C2CD3: variants seen among roughly 807,000 people sequenced by gnomAD.
C2CD3 encodes C2 domain-containing protein 3.
Under a neutral mutation model 234.0 loss-of-function variants are expected in C2CD3, and 148 were observed. That is an observed-to-expected ratio of 0.63 (90% CI 0.55 to 0.72). The LOEUF (loss-of-function observed/expected upper bound fraction) is 0.72. Among genes scored for constraint, C2CD3 ranks in the 30% least tolerant of loss-of-function variants. C2CD3 has a pLI of 0.00. For missense variants in C2CD3, 2,577 were observed against 2,811.5 expected (o/e 0.92, Z 1.89); for synonymous variants, 1,000 against 1,035.4 (o/e 0.97, Z 0.66).
chr11:74,111,143 A>C (rs1005219039), intron 11 of C2CD3, among the ~76,000 whole-genome samples: 1 of 152,188 alleles, frequency 6.6e-6, no homozygotes, highest in Non-Finnish European at 1.5e-5. Flanking sequence ...GATCTCATAG[A>C]AGCTACTTAA....
At chr11:74,154,676 T>C (rs189111608) in intron 3 of C2CD3, among the ~76,000 whole-genome samples, 4 of 152,334 alleles carry the variant, frequency 2.6e-5, no homozygotes, top group African/African-American at 7.2e-5. Context: ...TCAACTCTGC[T>C]GTTTGGCATA....
intron 7 of C2CD3, chr11:74,129,865 G>C (rs1039916575): frequency 1.4e-5 from 1 of 69,430 alleles, no homozygotes; most frequent in African/African-American, 1.4e-4. Flanking sequence ...TCGCGGTTAG[G>C]AGCTGCAGAC....
At chr11:74,030,883 CTAAT>C (rs1952498062) in intron 31 of C2CD3, among the ~76,000 whole-genome samples, 1 of 152,228 alleles carries the variant, frequency 6.6e-6, no homozygotes, top group Non-Finnish European at 1.5e-5. Context: ...ACAGAAACCT[CTAAT>C]TACACTTTCT....
chr11:74,031,284 A>C (rs986593394), intron 31 of C2CD3, among the ~76,000 whole-genome samples: 2 of 152,222 alleles, frequency 1.3e-5, no homozygotes, highest in African/African-American at 4.8e-5. Flanking sequence ...ATAGAGTCCA[A>C]GTACCTCAGC....
rs1463901956 is a variant in C2CD3 at position 74,167,640 on chromosome 11, C to T, written c.325+704G>A. Among the ~76,000 whole-genome samples the T allele has an allele frequency of 7.9e-5, 12 of 152,230 alleles. No homozygotes were observed. The East Asian group carries it at 1.9e-3, about 24-fold the overall frequency. On this transcript the variant is annotated intron_variant, in intron 2 of 32. Transcript: ENST00000334126. Reference sequence around the variant, plus strand: ...CCCAACCATGTTTACATGATAAATGCTCGAATTTTATTGACTTGAACTGAA... The same window carrying T: ...CCCAACCATGTTTACATGATAAATGTTCGAATTTTATTGACTTGAACTGAA...
At chr11:74,072,425 G>A (rs1447973783) in intron 24 of C2CD3, among the ~76,000 whole-genome samples, 4 of 152,170 alleles carry the variant, frequency 2.6e-5, no homozygotes, top group Admixed American at 2.6e-4. Flanking sequence ...CAGTTTGAGA[G>A]ACACCAAAAC....
intron 23 of C2CD3, among the ~76,000 whole-genome samples, chr11:74,077,176 A>G (rs186505680): frequency 2.2e-4 from 34 of 152,208 alleles, no homozygotes; most frequent in Admixed American, 8.5e-4. Flanking sequence ...TGGTCCCCTC[A>G]GTAGGTATGC....
Position 74,028,175 on chromosome 11 carries a change from C to T in C2CD3, c.6921+112G>A, listed in dbSNP as rs1051948266. 10 of 743,820 alleles carry T rather than the reference C, an allele frequency of 1.3e-5. No homozygotes were observed. The Admixed American group carries it at 2.6e-4, about 20-fold the overall frequency. The allele number at this position is 743,820 out of a possible 1,614,324, so 46.1% of individuals were successfully genotyped here. On this transcript the variant is annotated intron_variant, in intron 32 of 32. Transcript: ENST00000334126. ...CTCAGTACAAACTTGAGGAGTGACC[C>T]CTGCTGCAGCCTTTCCAGGAAGATG...
chr11:74,097,164 AT>A (rs1302207573), intron 16 of C2CD3, among the ~76,000 whole-genome samples: 3 of 150,318 alleles, frequency 2.0e-5, no homozygotes, highest in Admixed American at 6.6e-5. Flanking sequence ...AAAAAAAAAA[AT>A]CTAACAAATA....
Position 74,113,875 on chromosome 11 carries a change from T to TA in C2CD3, c.1747dup (p.Tyr583LeufsTer20). ...TTCCGAAAAGCCCACAGGAAAGTGA[T>TA]ATTCTACAAAGAAAGTGCTAAAAAG... is the stretch of plus-strand genomic sequence containing the variant. On this transcript the variant is annotated frameshift_variant, in exon 11 of 33. Coordinates refer to ENST00000334126, the MANE Select transcript of C2CD3 (RefSeq NM_001286577.2). LOFTEE classifies it high-confidence loss of function. 1.3e-6 allele frequency: 2 copies of TA among 1,588,862 alleles called. No individual in the cohort carries two copies. The highest frequency in any genetic ancestry group is 1.7e-6 in the Non-Finnish European group (2 of 1,171,316).
At chr11:74,071,848 G>A (rs1316560706) in intron 24 of C2CD3, among the ~76,000 whole-genome samples, 1 of 152,074 alleles carries the variant, frequency 6.6e-6, no homozygotes, top group African/African-American at 2.4e-5. Context: ...AGCAGATGAT[G>A]CTCAATAAAT....
At chr11:74,118,408 C>T (rs554830202) in intron 8 of C2CD3, 26 bp from the exon 9 acceptor site, 7 of 1,593,004 alleles carry the variant, frequency 4.4e-6, no homozygotes, top group Middle Eastern at 1.7e-4. Flanking sequence ...AACAGAGACA[C>T]TAAATGACTG....
intron 30 of C2CD3, chr11:74,036,380 T>C: frequency 4.4e-6 from 2 of 454,252 alleles, no homozygotes; most frequent in South Asian, 1.6e-5. Flanking sequence ...GAATAGTGCC[T>C]GGCACAGATG....
At chr11:74,133,826 A>G (rs550522689) in intron 5 of C2CD3, among the ~76,000 whole-genome samples, 2 of 152,318 alleles carry the variant, frequency 1.3e-5, no homozygotes, top group East Asian at 3.9e-4. Flanking sequence ...GGGGGTTGTT[A>G]TATCCATATA....
At chr11:74,032,671 A>G (rs757531382) in intron 31 of C2CD3, among the ~76,000 whole-genome samples, 6 of 152,082 alleles carry the variant, frequency 3.9e-5, no homozygotes, top group Non-Finnish European at 8.8e-5. Flanking sequence ...CAGGAGTTTG[A>G]GACCAGCCTG....
At chr11:74,073,008 G>T (rs1565256462) in intron 24 of C2CD3, among the ~76,000 whole-genome samples, 1 of 152,116 alleles carries the variant, frequency 6.6e-6, no homozygotes, top group Non-Finnish European at 1.5e-5. Flanking sequence ...CTGAAGAGAG[G>T]AGCTGGAAGT....
intron 3 of C2CD3, among the ~76,000 whole-genome samples, chr11:74,151,434 C>A (rs911623051): frequency 6.6e-6 from 1 of 152,128 alleles, no homozygotes; most frequent in Non-Finnish European, 1.5e-5. Context: ...TCTCCTGTCT[C>A]AGCCTTCTCA....
intron 17 of C2CD3, 95 bp downstream of exon 17, chr11:74,095,133 C>A: frequency 1.2e-6 from 1 of 810,660 alleles, no homozygotes. Context: ...TAGAAATATT[C>A]AACAACACAA....
At chr11:74,065,678 G>A (rs1290030786) in intron 24 of C2CD3, among the ~76,000 whole-genome samples, 2 of 152,210 alleles carry the variant, frequency 1.3e-5, no homozygotes, top group South Asian at 2.1e-4. Context: ...GTCCATCAAT[G>A]ATAGACTGGA....
Sources: gnomAD v4.1 joint callset for allele counts (sites outside exome capture counted in the v4.1 genomes callset) on GRCh38, gnomAD v4.1.1 for gene constraint, MANE v1.5 for transcripts, NCBI Gene and HGNC (gene_info 2026-07-23, HGNC 2026-07-21) for gene names.